RAD51B: variants seen among roughly 807,000 people sequenced by gnomAD.
The protein encoded by RAD51B is DNA repair protein RAD51 homolog 2.
A neutral mutation model predicts 42.2 loss-of-function variants in RAD51B; 38 were observed. The observed-to-expected ratio is 0.90, with a 90% CI of 0.70 to 1.18. RAD51B has a LOEUF of 1.18. Among genes scored for constraint, RAD51B ranks in the 50% most tolerant of loss-of-function variants. The pLI, the probability that RAD51B is intolerant of heterozygous loss-of-function variation, is 0.00. For synonymous variants in RAD51B, 154 were observed against 145.2 expected (o/e 1.06, Z -0.43); for missense variants, 373 against 400.7 (o/e 0.93, Z 0.59).
At chr14:68,033,828 A>G (rs888274914) in intron 7 of RAD51B, among the ~76,000 whole-genome samples, 1 of 152,196 alleles carries the variant, frequency 6.6e-6, no homozygotes, top group Non-Finnish European at 1.5e-5. Flanking sequence ...ACAGGGATGA[A>G]TGAATGTTCT....
rs1481850243 is a variant in RAD51B, at chr14:68,411,612, G to C, written c.957+85G>C. 3.8e-6 allele frequency: 5 copies of C among 1,300,882 alleles called. No individual in the cohort carries two copies. In the East Asian group the frequency reaches 1.2e-4, roughly 31 times the overall value. 80.6% of individuals were successfully genotyped at this position (1,300,882 alleles called of 1,614,324 possible). A position where few individuals can be genotyped will look rare whatever the true frequency, so the allele number is the denominator to read the frequency against. ...ATCTGAGCGTCTTCTGAAAATGCTG[G>C]CCGCATTGTCTGTCCTGAGCCAGCA... On this transcript the variant is annotated intron_variant, in intron 9 of 10. Transcript: ENST00000471583.
intron 7 of RAD51B, among the ~76,000 whole-genome samples, chr14:68,164,755 C>T (rs2078715469): frequency 6.6e-6 from 1 of 152,162 alleles, no homozygotes; most frequent in East Asian, 1.9e-4. Context: ...AAAAATAACC[C>T]TTACCAAAGG....
intron 9 of RAD51B, among the ~76,000 whole-genome samples, chr14:68,452,842 A>C (rs556637868): frequency 6.6e-6 from 1 of 152,332 alleles, no homozygotes; most frequent in South Asian, 2.1e-4. Context: ...TAAGTCTTGA[A>C]GAGGTTAGAG....
chr14:67,825,539 T>C lies in RAD51B; in HGVS notation c.160T>C (p.Cys54Arg), dbSNP rs748171860. 6.8e-6 allele frequency: 11 copies of C among 1,613,592 alleles called. No individual in the cohort carries two copies. The highest frequency in any genetic ancestry group is 9.3e-6 in the Non-Finnish European group (11 of 1,179,644). ...LSYRGVHELL[C>R]MVSRACAPKM... ...TTATCGAGGTGTCCATGAACTTCTATGTATGGTCAGCAGGGCCTGTGCCCC... is the reference window on the plus strand; with the variant it reads ...TTATCGAGGTGTCCATGAACTTCTACGTATGGTCAGCAGGGCCTGTGCCCC... Residue 54 changes from cysteine (C) to arginine (R), a missense_variant, in exon 3 of 11, where the codon TGT (cysteine) becomes CGT (arginine). Physicochemically the swap from Cys to Arg is radical, Grantham distance 180. Coordinates refer to ENST00000471583, the MANE Select transcript of RAD51B (RefSeq NM_133510.4).
chr14:67,873,741 T>C (rs1410274326), intron 5 of RAD51B, among the ~76,000 whole-genome samples: 2 of 144,186 alleles, frequency 1.4e-5, no homozygotes, highest in African/African-American at 2.6e-5. Context: ...ATATACACCA[T>C]GGAATACTAT....
chr14:68,603,138 A>C (rs985566418), intron 10 of RAD51B, among the ~76,000 whole-genome samples: 12 of 152,182 alleles, frequency 7.9e-5, no homozygotes, highest in African/African-American at 2.7e-4. Flanking sequence ...CGAACCTCAG[A>C]CATCTCTAAT....
chr14:68,068,087 C>T (rs35643187), intron 7 of RAD51B, among the ~76,000 whole-genome samples: 2,505 of 151,948 alleles, frequency 0.016, 53 homozygotes, highest in South Asian at 0.082. Flanking sequence ...ACAAAGGTGA[C>T]AAGGTATGGG....
chr14:68,669,627 TACACACACACACACACACACAC>T lies in RAD51B; in HGVS notation c.*11+18784_*11+18805del, dbSNP rs34821600. 3.4e-5 allele frequency among the ~76,000 whole-genome samples: 5 copies of T among 148,024 alleles called. No individual in the cohort carries two copies. In the East Asian group the frequency reaches 1.0e-3, roughly 30 times the overall value. ...CAAACACACTATCAAACCCGCCACT[TACACACACACACACACACACAC>T]ACACACACACACTCCCCACCCCCAT... On this transcript the variant is annotated intron_variant, in intron 11 of 11. Transcript: ENST00000488612.
chr14:68,374,813 A>G (rs1403421682), intron 8 of RAD51B, among the ~76,000 whole-genome samples: 1 of 150,452 alleles, frequency 6.6e-6, no homozygotes, highest in East Asian at 1.9e-4. Flanking sequence ...TATGCTTCTC[A>G]TTAGCTGAAA....
At chr14:67,977,842 G>A (rs549044364) in intron 7 of RAD51B, among the ~76,000 whole-genome samples, 11 of 152,170 alleles carry the variant, frequency 7.2e-5, no homozygotes, top group Non-Finnish European at 1.0e-4. Flanking sequence ...AGAGCCCATG[G>A]GAAATAAAGC....
intron 7 of RAD51B, chr14:67,887,455 A>G (rs552313150): frequency 1.3e-5 from 4 of 312,044 alleles, no homozygotes; most frequent in South Asian, 6.4e-5. Flanking sequence ...AAAAGTTCCT[A>G]TAGTCCCTCC....
At chr14:68,445,537 A>G (rs535944368) in intron 9 of RAD51B, among the ~76,000 whole-genome samples, 4 of 152,176 alleles carry the variant, frequency 2.6e-5, no homozygotes, top group Admixed American at 2.6e-4. Context: ...CTCAATCCCA[A>G]AGAGATTAAT....
chr14:68,298,061 A>C (rs912920844), intron 8 of RAD51B, among the ~76,000 whole-genome samples: 1 of 152,224 alleles, frequency 6.6e-6, no homozygotes, highest in Non-Finnish European at 1.5e-5. Context: ...TCAGGAGTCC[A>C]TAGCACTTGA....
intron 9 of RAD51B, among the ~76,000 whole-genome samples, chr14:68,450,998 C>T (rs1290244822): frequency 2.6e-5 from 4 of 152,116 alleles, no homozygotes; most frequent in African/African-American, 9.7e-5. Flanking sequence ...CAGGGAATGC[C>T]TCATATTGGA....
chr14:68,441,541 C>CAAAAAA (rs67477807), intron 9 of RAD51B, among the ~76,000 whole-genome samples: 12 of 68,022 alleles, frequency 1.8e-4, no homozygotes, highest in South Asian at 6.5e-4. Flanking sequence ...GACTCCATCT[C>CAAAAAA]AAAAAAAAAA....
intron 7 of RAD51B, among the ~76,000 whole-genome samples, chr14:67,985,623 G>A (rs1394847184): frequency 6.6e-6 from 1 of 151,908 alleles, no homozygotes; most frequent in Non-Finnish European, 1.5e-5. Flanking sequence ...AAAAGTAAAG[G>A]CCCAACCAGA....
At chr14:67,841,731 T>G (rs1324766583) in intron 4 of RAD51B, among the ~76,000 whole-genome samples, 2 of 152,184 alleles carry the variant, frequency 1.3e-5, no homozygotes, top group Non-Finnish European at 2.9e-5. Flanking sequence ...AGGTTGTAAG[T>G]GTGTGGTTTC....
chr14:68,166,248 T>C (rs2078748271), intron 7 of RAD51B, among the ~76,000 whole-genome samples: 1 of 151,652 alleles, frequency 6.6e-6, no homozygotes. Context: ...GACAGGCATG[T>C]TGTGAAAACT....
At chr14:68,655,130 A>AGTGTGT (rs3077341) in intron 11 of RAD51B, among the ~76,000 whole-genome samples, 229 of 150,362 alleles carry the variant, frequency 1.5e-3, no homozygotes, top group Middle Eastern at 0.01. Context: ...GCAAATGGTG[A>AGTGTGT]GTGTGTGTGT....
Sources: gnomAD v4.1 joint callset for allele counts (sites outside exome capture counted in the v4.1 genomes callset) on GRCh38, gnomAD v4.1.1 for gene constraint, MANE v1.5 for transcripts, NCBI Gene and HGNC (gene_info 2026-07-23, HGNC 2026-07-21) for gene names.